The following RHOBTB1 variants were observed in gnomAD, a reference collection of about 807,000 sequenced individuals.
RHOBTB1 encodes rho-related BTB domain-containing protein 1.
A neutral mutation model predicts 71.6 loss-of-function variants in RHOBTB1; 40 were observed. The observed-to-expected ratio is 0.56, with a 90% confidence interval of 0.43 to 0.73. The LOEUF (loss-of-function observed/expected upper bound fraction) is 0.73, where lower values mean the gene tolerates loss of function less well. Ranked by LOEUF, RHOBTB1 falls within the 30% of genes least tolerant of loss-of-function variation. RHOBTB1 has a pLI of 0.00. For synonymous variants in RHOBTB1, 319 were observed against 334.9 expected, an observed-to-expected ratio of 0.95 and a Z score of 0.52; for missense variants, 797 against 894.0, an observed-to-expected ratio of 0.89 and a Z score of 1.38.
Position 60,871,331 on chromosome 10 carries a change from A to G in RHOBTB1, c.*151T>C, listed in dbSNP as rs1351870475. On this transcript the variant is annotated 3_prime_UTR_variant, in exon 11 of 11. Coordinates refer to ENST00000337910, the MANE Select transcript of RHOBTB1 (RefSeq NM_014836.5). ...GGTGAGCTTGTGCTTTGATCCTAAC[A>G]AAGATAAATGCACAAAAGTGGAGGA... is the stretch of plus-strand genomic sequence containing the variant. 10 of 713,944 alleles carry G rather than the reference A, an allele frequency of 1.4e-5. No homozygotes were observed. Among genetic ancestry groups the G allele is most frequent in the African/African-American group, 1.1e-4 (6 of 55,782 alleles). The allele number at this position is 713,944 out of a possible 1,614,324, so 44.2% of individuals were successfully genotyped here.
intron 5 of RHOBTB1, among the ~76,000 whole-genome samples, chr10:60,892,470 T>C (rs931284999): frequency 4.6e-5 from 7 of 152,234 alleles, no homozygotes; most frequent in Non-Finnish European, 8.8e-5. Flanking sequence ...TTTATTGTAA[T>C]AATTATAATT....
chr10:60,904,910 T>G (rs1401647441), intron 4 of RHOBTB1, among the ~76,000 whole-genome samples: 1 of 152,202 alleles, frequency 6.6e-6, no homozygotes, highest in African/African-American at 2.4e-5. Context: ...CTGAATGTCT[T>G]TAAGACACAA....
chr10:60,867,656 T>C (rs968638755), downstream of RHOBTB1, among the ~76,000 whole-genome samples: 1 of 152,240 alleles, frequency 6.6e-6, no homozygotes, highest in African/African-American at 2.4e-5. Context: ...AATATCTAAC[T>C]GATGAGCACC....
chr10:60,931,776 A>C (rs59513557), intron 2 of RHOBTB1, among the ~76,000 whole-genome samples: 9,747 of 152,110 alleles, frequency 0.064, 554 homozygotes, highest in African/African-American at 0.15. Flanking sequence ...CATAAAAAAA[A>C]CCCCACAGGA....
At chr10:60,981,543 T>G (rs554304767) in intron 2 of RHOBTB1, among the ~76,000 whole-genome samples, 1 of 152,202 alleles carries the variant, frequency 6.6e-6, no homozygotes, top group African/African-American at 2.4e-5. Context: ...TTTAAAATGG[T>G]TTAGCATCAA....
chr10:60,886,090 A>G (rs768540527), intron 7 of RHOBTB1, 22 bp downstream of exon 7: 3 of 1,539,378 alleles, frequency 1.9e-6, no homozygotes, highest in Non-Finnish European at 2.7e-6. Flanking sequence ...AGACACCACT[A>G]TGCTTTTAGG....
chr10:60,963,794 G>T (rs780615998), intron 2 of RHOBTB1, among the ~76,000 whole-genome samples: 12 of 152,102 alleles, frequency 7.9e-5, no homozygotes, highest in Non-Finnish European at 1.2e-4. Context: ...CAAATTACAA[G>T]TTCCCTGAAA....
downstream of RHOBTB1, among the ~76,000 whole-genome samples, chr10:60,868,076 CT>C (rs1380702681): frequency 3.3e-5 from 5 of 151,468 alleles, no homozygotes; most frequent in Non-Finnish European, 2.9e-5. Context: ...TTCTTTCTTT[CT>C]TTTTAAATTG....
intron 2 of RHOBTB1, among the ~76,000 whole-genome samples, chr10:60,923,380 G>T (rs1278033780): frequency 6.6e-6 from 1 of 152,194 alleles, no homozygotes; most frequent in Non-Finnish European, 1.5e-5. Context: ...AGTAGTTAAT[G>T]AGACAAGATA....
chr10:60,956,826 A>G (rs900905834), intron 2 of RHOBTB1, among the ~76,000 whole-genome samples: 1 of 152,124 alleles, frequency 6.6e-6, no homozygotes, highest in African/African-American at 2.4e-5. Context: ...CTGACTCAGT[A>G]TTAGAAAGCA....
chr10:60,942,909 G>A (rs1313703444), intron 1 of RHOBTB1, among the ~76,000 whole-genome samples: 1 of 150,212 alleles, frequency 6.7e-6, no homozygotes, highest in Non-Finnish European at 1.5e-5. Context: ...GTACACCACC[G>A]CAGCGGTTGG....
chr10:60,921,140 G>A (rs2083539208), intron 2 of RHOBTB1, among the ~76,000 whole-genome samples: 1 of 152,004 alleles, frequency 6.6e-6, no homozygotes, highest in Non-Finnish European at 1.5e-5. Context: ...TAGAGATGGA[G>A]TTTCACCATG....
intron 1 of RHOBTB1, among the ~76,000 whole-genome samples, chr10:60,988,772 T>A (rs2086758941): frequency 6.6e-6 from 1 of 152,220 alleles, no homozygotes; most frequent in Admixed American, 6.5e-5. Flanking sequence ...ACACATGAAT[T>A]AATAGCAAGT....
At chr10:60,990,244 A>C (rs2086814231) in intron 1 of RHOBTB1, among the ~76,000 whole-genome samples, 1 of 151,832 alleles carries the variant, frequency 6.6e-6, no homozygotes, top group South Asian at 2.1e-4. Flanking sequence ...CGGCCTCCCA[A>C]AGTGCTGGGA....
At chr10:60,871,731 C>T in intron 10 of RHOBTB1, 80 bp from the exon 11 acceptor site, 2 of 1,313,488 alleles carry the variant, frequency 1.5e-6, no homozygotes, top group South Asian at 2.7e-5. Context: ...CTTAAAGCTT[C>T]TCAAATATCC....
chr10:60,971,204 C>G (rs986441889), intron 2 of RHOBTB1, among the ~76,000 whole-genome samples: 2 of 151,804 alleles, frequency 1.3e-5, no homozygotes, highest in African/African-American at 4.8e-5. Flanking sequence ...TCTACTGGTT[C>G]CAAAATAGCT....
At chr10:60,893,538 C>T (rs56057124) in intron 4 of RHOBTB1, among the ~76,000 whole-genome samples, 3,526 of 152,246 alleles carry the variant, frequency 0.023, 139 homozygotes, top group African/African-American at 0.08. Context: ...GACAGCATAG[C>T]CACTTATCTG....
intron 2 of RHOBTB1, among the ~76,000 whole-genome samples, chr10:60,967,200 T>G (rs1034095077): frequency 1.4e-5 from 2 of 146,994 alleles, no homozygotes; most frequent in Admixed American, 6.8e-5. Context: ...GAATAGCAAG[T>G]AAAAAGGAAA....
chr10:60,918,676 G>A (rs546681190), intron 2 of RHOBTB1, among the ~76,000 whole-genome samples: 29 of 152,136 alleles, frequency 1.9e-4, no homozygotes, highest in Admixed American at 5.9e-4. Context: ...GAATCATCCC[G>A]CCATTGGAAT....
Sources: allele counts gnomAD v4.1 joint callset (sites outside exome capture counted in the v4.1 genomes callset), GRCh38; gene constraint gnomAD v4.1.1; transcripts MANE v1.5; gene names NCBI Gene and HGNC (gene_info 2026-07-23, HGNC 2026-07-21).